IL4R: variants seen among roughly 807,000 people sequenced by gnomAD.
IL4R encodes the protein interleukin-4 receptor subunit alpha.
In IL4R, 17 loss-of-function variants were observed where a neutral mutation model predicts 41.5. The observed-to-expected ratio is 0.41, with a 90% CI of 0.28 to 0.61. IL4R has a LOEUF of 0.61. Ranked by LOEUF, IL4R falls within the 20% of genes least tolerant of loss-of-function variation. The pLI, the probability that IL4R is intolerant of heterozygous loss-of-function variation, is 0.31. For synonymous variants in IL4R, 402 were observed against 422.9 expected, an observed-to-expected ratio of 0.95 and a Z score of 0.61; for missense variants, 974 against 1,043.1, an observed-to-expected ratio of 0.93 and a Z score of 0.91.
intron 2 of IL4R, among the ~76,000 whole-genome samples, chr16:27,331,865 A>G (rs1283986775): frequency 6.6e-6 from 1 of 152,026 alleles, no homozygotes; most frequent in East Asian, 1.9e-4. Flanking sequence ...TTTGCCTTAC[A>G]TATTTTGACC....
chr16:27,337,632 T>C (rs1410103772), intron 2 of IL4R, among the ~76,000 whole-genome samples: 1 of 150,842 alleles, frequency 6.6e-6, no homozygotes, highest in African/African-American at 2.4e-5. Context: ...CAGCCTAGAG[T>C]GCAGTGGTGC....
At chr16:27,333,344 C>A (rs1425994529) in intron 2 of IL4R, among the ~76,000 whole-genome samples, 1 of 151,950 alleles carries the variant, frequency 6.6e-6, no homozygotes, top group Non-Finnish European at 1.5e-5. Flanking sequence ...AGCAGGATGG[C>A]CAACTCTGCC....
In IL4R at chr16:27,362,835, C is replaced by T; in HGVS notation, c.1483C>T (p.Pro495Ser). The change falls in exon 11 of 11, where the codon CCT (proline) becomes TCT (serine). Residue 495 changes from proline (P) to serine (S), a missense_variant. Physicochemically the swap from Pro to Ser is moderately conservative, Grantham distance 74 (BLOSUM62 -1). This residue lies in a region of IL4R where 682 missense variants were observed against 704.3 expected (regional missense o/e 0.97). Coordinates refer to ENST00000395762, the MANE Select transcript of IL4R (RefSeq NM_000418.4). ...TETPLVIAGN[P>S]AYRSFSNSLS... is the part of the protein sequence containing the mutation. ...GACGCCCCTCGTCATCGCAGGCAAC[C>T]CTGCTTACCGCAGCTTCAGCAACTC... 6.2e-7 allele frequency: 1 copy of T among 1,614,150 alleles called. No homozygotes were observed. The highest frequency in any genetic ancestry group is 1.3e-5 in the African/African-American group (1 of 75,056).
chr16:27,326,420 AG>A (rs2084956202), intron 1 of IL4R, among the ~76,000 whole-genome samples: 1 of 152,160 alleles, frequency 6.6e-6, no homozygotes, highest in South Asian at 2.1e-4. Flanking sequence ...GGTTTGCTTG[AG>A]GCCAGGAGTT....
chr16:27,337,289 C>T (rs1019225130), intron 2 of IL4R, among the ~76,000 whole-genome samples: 2 of 151,934 alleles, frequency 1.3e-5, no homozygotes, highest in Non-Finnish European at 2.9e-5. Context: ...TCTTATGATG[C>T]CCCAGACACT....
intron 1 of IL4R, among the ~76,000 whole-genome samples, chr16:27,323,378 G>A (rs1420726258): frequency 6.6e-6 from 1 of 152,154 alleles, no homozygotes; most frequent in Non-Finnish European, 1.5e-5. Flanking sequence ...ATATTTTACT[G>A]TATCTTCCAT....
intron 3 of IL4R, chr16:27,341,099 A>C (rs1165695489): frequency 2.9e-6 from 2 of 687,028 alleles, no homozygotes; most frequent in African/African-American, 3.5e-5. Context: ...TGGAGAAAGG[A>C]AGAGGGTGGA....
At chr16:27,315,903 A>G (rs1054468178) in intron 1 of IL4R, among the ~76,000 whole-genome samples, 1 of 152,188 alleles carries the variant, frequency 6.6e-6, no homozygotes, top group Admixed American at 6.5e-5. Context: ...TTTACAACAC[A>G]TGCAGTTACC....
intron 7 of IL4R, chr16:27,355,155 A>G (rs1439148859): frequency 1.8e-5 from 6 of 333,230 alleles, no homozygotes; most frequent in Non-Finnish European, 4.0e-5. Context: ...GCAAACATAT[A>G]AAGAAAGAAA....
Position 27,363,087 on chromosome 16 carries a change from G to A in IL4R, c.1735G>A (p.Val579Ile), listed in dbSNP as rs3024677. Residue 579 changes from valine to isoleucine, a missense_variant, in exon 11 of 11, where the codon GTA becomes ATA. Around this residue, in one of 3 missense-constraint regions of IL4R, gnomAD observed 682 missense variants for 704.3 expected, o/e 0.97. Coordinates refer to ENST00000395762, the MANE Select transcript of IL4R (RefSeq NM_000418.4). ...CCCCACCAGTGGCTATCAGGAGTTTGTACATGCGGTGGAGCAGGGTGGCAC... is the reference window on the plus strand; with the variant it reads ...CCCCACCAGTGGCTATCAGGAGTTTATACATGCGGTGGAGCAGGGTGGCAC... ...SAPTSGYQEF[V>I]HAVEQGGTQA... 5.4e-3 allele frequency: 8,643 copies of A among 1,614,100 alleles called. 284 individuals are homozygous for A. The African/African-American group carries it at 0.085, about 16-fold the overall frequency.
rs761499347 is a variant in IL4R, at chr16:27,363,802, T to C, written c.2450T>C (p.Val817Ala). 3.1e-6 allele frequency: 5 copies of C among 1,606,460 alleles called. No homozygotes were observed. The highest frequency in any genetic ancestry group is 4.2e-6 in the Non-Finnish European group (5 of 1,179,914). ...CCCAAAATCGTGAACTTTGTCTCCG[T>C]GGGACCCACATACATGAGGGTCTCT... ...QTPKIVNFVS[V>A]GPTYMRVS The change falls in exon 11 of 11, where the codon GTG (valine) becomes GCG (alanine). Residue 817 changes from valine (V) to alanine (A), a missense_variant. Coordinates refer to ENST00000395762, the MANE Select transcript of IL4R (RefSeq NM_000418.4).
At chr16:27,361,023 A>G in intron 10 of IL4R, 2 of 1,448,554 alleles carry the variant, frequency 1.4e-6, no homozygotes, top group Non-Finnish European at 1.8e-6. Context: ...TGTGTCAGGT[A>G]CATGGTGATA....
At chr16:27,330,577 C>T (rs796887004) in intron 2 of IL4R, among the ~76,000 whole-genome samples, 12 of 152,064 alleles carry the variant, frequency 7.9e-5, no homozygotes, top group African/African-American at 2.4e-4. Context: ...TGTTTGCGTA[C>T]GCATGTGTGG....
chr16:27,356,714 C>T (rs961469926), intron 8 of IL4R, among the ~76,000 whole-genome samples: 3 of 152,164 alleles, frequency 2.0e-5, no homozygotes, highest in African/African-American at 4.8e-5. Flanking sequence ...GAATTTGCGA[C>T]GATTGCCCTG....
intron 6 of IL4R, among the ~76,000 whole-genome samples, chr16:27,350,318 G>A (rs117451831): frequency 6.6e-6 from 1 of 152,170 alleles, no homozygotes; most frequent in Non-Finnish European, 1.5e-5. Context: ...TAGAAAGAAA[G>A]ACAAAAGAGA....
intron 3 of IL4R, chr16:27,341,290 T>G (rs1442346540): frequency 2.3e-5 from 14 of 613,650 alleles, no homozygotes. Flanking sequence ...ATTTCTGAAA[T>G]GCAGAAGGAT....
chr16:27,325,158 C>T (rs1433823730), intron 1 of IL4R, among the ~76,000 whole-genome samples: 1 of 150,884 alleles, frequency 6.6e-6, no homozygotes, highest in Non-Finnish European at 1.5e-5. Context: ...CAGTCCTTCT[C>T]CCCCTTGCTC....
intron 6 of IL4R, among the ~76,000 whole-genome samples, chr16:27,348,892 G>A (rs2085764915): frequency 6.6e-6 from 1 of 151,412 alleles, no homozygotes; most frequent in Non-Finnish European, 1.5e-5. Context: ...TGCCAGCCAG[G>A]TTTAAGACGT....
chr16:27,339,367 TA>T (rs2085365004), intron 2 of IL4R, among the ~76,000 whole-genome samples: 1 of 152,098 alleles, frequency 6.6e-6, no homozygotes, highest in Non-Finnish European at 1.5e-5. Flanking sequence ...TAGCAGCCTA[TA>T]TGGACTAAGC....
Sources: allele counts gnomAD v4.1 joint callset (sites outside exome capture counted in the v4.1 genomes callset), GRCh38; gene constraint gnomAD v4.1.1; regional missense constraint gnomAD v4.1.1; transcripts MANE v1.5; gene names NCBI Gene and HGNC (gene_info 2026-07-23, HGNC 2026-07-21).